The following NCKAP1L variants were observed in gnomAD, a reference collection of about 807,000 sequenced individuals.
NCKAP1L encodes the protein nck-associated protein 1-like.
A neutral mutation model predicts 139.2 loss-of-function variants in NCKAP1L; 53 were observed. The observed-to-expected ratio is 0.38, with a 90% confidence interval of 0.31 to 0.48. The LOEUF (loss-of-function observed/expected upper bound fraction) is 0.48. Among genes scored for constraint, NCKAP1L ranks in the 20% least tolerant of loss-of-function variants. The pLI, the probability that NCKAP1L is intolerant of heterozygous loss-of-function variation, is 0.98. For missense variants in NCKAP1L, 1,151 were observed against 1,381.9 expected (o/e 0.83, Z 2.65); for synonymous variants, 468 against 499.7 (o/e 0.94, Z 0.85).
chr12:54,505,634 T>C lies in NCKAP1L; in HGVS notation c.307-2219T>C, dbSNP rs182517100. 7.8e-3 allele frequency among the ~76,000 whole-genome samples: 1,183 copies of C among 151,800 alleles called. 7 individuals carry two copies. The highest frequency in any genetic ancestry group is 0.013 in the Non-Finnish European group (903 of 67,962). On this transcript the variant is annotated intron_variant, in intron 3 of 30. Coordinates refer to ENST00000293373, the MANE Select transcript of NCKAP1L (RefSeq NM_005337.5). Reference sequence around the variant, plus strand: ...TGTTTCTGAGATTGATCTATGTTGTTGCATGTATCAGTGATTCAGTACCCC... The same window carrying C: ...TGTTTCTGAGATTGATCTATGTTGTCGCATGTATCAGTGATTCAGTACCCC...
intron 27 of NCKAP1L, 76 bp downstream of exon 27, chr12:54,535,273 C>A: frequency 9.2e-7 from 1 of 1,089,364 alleles, no homozygotes; most frequent in Non-Finnish European, 1.4e-6. Context: ...ATGTCAATGT[C>A]AAAGAAGCCT....
rs367681620 is a variant in NCKAP1L, at chr12:54,508,445, A to G, written c.420A>G (p.Ser140=). 158 of 1,613,940 alleles carry G rather than the reference A, an allele frequency of 9.8e-5. No homozygotes were observed. Among genetic ancestry groups the G allele is most frequent in the Non-Finnish European group, 1.3e-4 (148 of 1,179,938 alleles). ...SYLDLIVTYT[S]VILLLSRIED... Reference sequence around the variant, plus strand: ...TGGACTTGATTGTAACTTACACCTCAGTCATTTTACTTCTGTCACGGATTG... The same window carrying G: ...TGGACTTGATTGTAACTTACACCTCGGTCATTTTACTTCTGTCACGGATTG... Residue 140 remains serine, a synonymous_variant, in exon 5 of 31, where the codon TCA becomes TCG. Transcript: ENST00000293373.
rs1957177193 is a variant in NCKAP1L at position 54,543,685 on chromosome 12, AACTT to A, written c.*1002_*1005del. The A allele has an allele frequency of 6.6e-6, 1 of 152,196 alleles. No homozygotes were observed. Among genetic ancestry groups the A allele is most frequent in the African/African-American group, 2.4e-5 (1 of 41,434 alleles). The allele number at this position is 152,196 out of a possible 1,614,324, so 9.4% of individuals were successfully genotyped here. On this transcript the variant is annotated 3_prime_UTR_variant, in exon 31 of 31. Transcript: ENST00000293373. ...TCCTTGAGGGAGTACAAGCTGTTTC[AACTT>A]AGCCCTTTTCTGCGCTAATTAGAAT...
intron 19 of NCKAP1L, 58 bp downstream of exon 19, chr12:54,523,597 G>A: frequency 1.3e-6 from 2 of 1,556,586 alleles, no homozygotes; most frequent in Non-Finnish European, 8.7e-7. Flanking sequence ...GGCAGGAAAG[G>A]AAAGAGGGAA....
intron 22 of NCKAP1L, among the ~76,000 whole-genome samples, chr12:54,530,856 A>G (rs1957063280): frequency 6.6e-6 from 1 of 152,230 alleles, no homozygotes; most frequent in Non-Finnish European, 1.5e-5. Flanking sequence ...TTCATGGCAG[A>G]TATTCATATC....
At chr12:54,516,753 C>G in intron 10 of NCKAP1L, 143 bp from the exon 11 acceptor site, 4 of 671,474 alleles carry the variant, frequency 6.0e-6, no homozygotes, top group Non-Finnish European at 9.7e-6. Flanking sequence ...GCCCTTTTTT[C>G]TTTTTTAAAC....
At chr12:54,500,509 TG>T (rs750758064) in intron 2 of NCKAP1L, 23 bp from the exon 3 acceptor site, 1 of 1,523,504 alleles carries the variant, frequency 6.6e-7, no homozygotes, top group South Asian at 1.1e-5. Context: ...ACTTTTTTAT[TG>T]TTTTGTTTTG....
chr12:54,510,245 A>G, intron 7 of NCKAP1L: 1 of 530,454 alleles, frequency 1.9e-6, no homozygotes, highest in Non-Finnish European at 3.4e-6. Context: ...GTAAATATTC[A>G]TAGAATGAAT....
chr12:54,542,462 T>A, intron 30 of NCKAP1L, 113 bp from the exon 31 acceptor site: 2 of 777,822 alleles, frequency 2.6e-6, no homozygotes, highest in Non-Finnish European at 4.4e-6. Context: ...TGGAACCCTG[T>A]TCACTTGTAA....
Position 54,542,697 on chromosome 12 carries a change from T to G in NCKAP1L, c.*12T>G, listed in dbSNP as rs113426104. ...TCCACCTAAACTGAATGCCTGCCAG[T>G]ACCCACTGAAGAGCCCTTTGGACCT... On this transcript the variant is annotated 3_prime_UTR_variant, in exon 31 of 31. Coordinates refer to ENST00000293373, the MANE Select transcript of NCKAP1L (RefSeq NM_005337.5). 285 of 1,551,264 alleles carry G rather than the reference T, an allele frequency of 1.8e-4. No homozygotes were observed. Among genetic ancestry groups the G allele is most frequent in the Non-Finnish European group, 2.4e-4 (276 of 1,136,244 alleles).
intron 16 of NCKAP1L, among the ~76,000 whole-genome samples, chr12:54,519,893 T>G (rs939067464): frequency 4.0e-5 from 6 of 151,530 alleles, no homozygotes; most frequent in Non-Finnish European, 1.5e-5. Flanking sequence ...TTTTTTTTTT[T>G]ACTCTAGGAA....
intron 30 of NCKAP1L, among the ~76,000 whole-genome samples, chr12:54,540,745 T>G (rs1016052438): frequency 3.9e-5 from 6 of 152,180 alleles, no homozygotes; most frequent in Non-Finnish European, 7.4e-5. Context: ...TGATTCTGTA[T>G]TACCCACCTG....
intron 7 of NCKAP1L, chr12:54,510,268 C>T (rs1956876578): frequency 2.0e-6 from 1 of 502,954 alleles, no homozygotes; most frequent in African/African-American, 1.9e-5. Flanking sequence ...ATGGATGAAA[C>T]AGAGTCATTA....
rs747802763 is a variant in NCKAP1L at position 54,536,162 on chromosome 12, C to G, written c.2990C>G (p.Ala997Gly). 2 of 1,613,432 alleles carry G rather than the reference C, an allele frequency of 1.2e-6. No individual in the cohort carries two copies. The highest frequency in any genetic ancestry group is 8.5e-7 in the Non-Finnish European group (1 of 1,179,580). The change falls in exon 28 of 31, where the codon GCC becomes GGC. Residue 997 changes from alanine to glycine, a missense_variant. Transcript: ENST00000293373. ...TSSPEEEYKV[A>G]CLLLIFLAVS... is the part of the protein sequence containing the mutation. ...TCTCCTGAGGAGGAATATAAGGTGG[C>G]CTGCCTGCTCTTGATCTTTCTGGCA...
intron 3 of NCKAP1L, among the ~76,000 whole-genome samples, chr12:54,504,804 G>T (rs1956827526): frequency 6.6e-6 from 1 of 152,184 alleles, no homozygotes; most frequent in Non-Finnish European, 1.5e-5. Flanking sequence ...ATGAGATAAT[G>T]CATGGACAAC....
chr12:54,531,802 A>G lies in NCKAP1L; in HGVS notation c.2758A>G (p.Met920Val). The G allele has an allele frequency of 1.2e-6, 2 of 1,612,598 alleles. No individual in the cohort carries two copies. Among genetic ancestry groups the G allele is most frequent in the Non-Finnish European group, 1.7e-6 (2 of 1,178,682 alleles). The change falls in exon 25 of 31, where the codon ATG becomes GTG. Residue 920 changes from methionine to valine, a missense_variant. By Grantham distance (21) the Met-to-Val change is conservative. Coordinates refer to ENST00000293373, the MANE Select transcript of NCKAP1L (RefSeq NM_005337.5). ...TGGGGTTATCCTCAGTTTCAGGGCC[A>G]TGGCCCAAGAGGGACTTCGGGAGGT... ...IIGVILSFRA[M>V]AQEGLREVFS...
At chr12:54,523,143 C>T (rs1956998956) in intron 18 of NCKAP1L, among the ~76,000 whole-genome samples, 1 of 152,122 alleles carries the variant, frequency 6.6e-6, no homozygotes, top group Non-Finnish European at 1.5e-5. Flanking sequence ...GGGAGTGAGG[C>T]TCTGATCCCA....
At chr12:54,519,828 A>G (rs1450668302) in intron 16 of NCKAP1L, among the ~76,000 whole-genome samples, 3 of 149,676 alleles carry the variant, frequency 2.0e-5, no homozygotes, top group Admixed American at 2.0e-4. Flanking sequence ...TGGGGTAGTT[A>G]GCCCATATGT....
At chr12:54,538,393 T>C (rs1957129997) in intron 29 of NCKAP1L, among the ~76,000 whole-genome samples, 1 of 152,164 alleles carries the variant, frequency 6.6e-6, no homozygotes, top group Non-Finnish European at 1.5e-5. Flanking sequence ...ATACAATGAA[T>C]CATGTTTCTT....
Sources: allele counts gnomAD v4.1 joint callset (sites outside exome capture counted in the v4.1 genomes callset), GRCh38; gene constraint gnomAD v4.1.1; transcripts MANE v1.5; gene names NCBI Gene and HGNC (gene_info 2026-07-23, HGNC 2026-07-21).